The following CHSY3 variants were observed in gnomAD, a reference collection of about 807,000 sequenced individuals.
CHSY3 encodes the protein chondroitin sulfate synthase 3, also known as N-acetylgalactosaminyl-proteoglycan 3-beta-glucuronosyltransferase 3.
In CHSY3, 35 loss-of-function variants were observed where a neutral mutation model predicts 67.2. That is an observed-to-expected ratio of 0.52 (90% CI 0.40 to 0.69). The LOEUF (loss-of-function observed/expected upper bound fraction) is 0.69, where lower values mean the gene tolerates loss of function less well. Ranked by LOEUF, CHSY3 falls within the 30% of genes least tolerant of loss-of-function variation. The pLI is 0.00. For synonymous variants in CHSY3, 474 were observed against 434.7 expected (o/e 1.09, Z -1.12); for missense variants, 1,069 against 1,138.5 (o/e 0.94, Z 0.88).
In CHSY3 at chr5:129,991,710, A is replaced by G. The variant is rs80098346; in HGVS notation, c.1086+83350A>G. 1.8e-4 allele frequency among the ~76,000 whole-genome samples: 28 copies of G among 152,288 alleles called. No homozygotes were observed. The East Asian group carries it at 4.6e-3, about 25-fold the overall frequency. ...CTTAATAGCAGCATAGGCAATAGCT[A>G]TCACTGGATGAAGAGGAGTAGGAAA... On this transcript the variant is annotated intron_variant, in intron 2 of 2. Transcript: ENST00000305031.
chr5:129,911,838 C>G (rs1300378299), intron 2 of CHSY3, among the ~76,000 whole-genome samples: 1 of 152,142 alleles, frequency 6.6e-6, no homozygotes, highest in Admixed American at 6.5e-5. Flanking sequence ...GGGCGGATCA[C>G]TAGGTCAGGA....
At chr5:129,963,115 G>A (rs1224818534) in intron 2 of CHSY3, among the ~76,000 whole-genome samples, 1 of 151,788 alleles carries the variant, frequency 6.6e-6, no homozygotes, top group Non-Finnish European at 1.5e-5. Flanking sequence ...GTGGAATGGG[G>A]AGAGAGGGCC....
intron 2 of CHSY3, among the ~76,000 whole-genome samples, chr5:130,104,157 G>A (rs537506238): frequency 1.3e-3 from 197 of 151,690 alleles, no homozygotes; most frequent in Middle Eastern, 6.8e-3. Context: ...TCACCAGCCC[G>A]TAAAACTCAG....
At chr5:129,911,425 A>G (rs1277750309) in intron 2 of CHSY3, among the ~76,000 whole-genome samples, 1 of 152,164 alleles carries the variant, frequency 6.6e-6, no homozygotes, top group African/African-American at 2.4e-5. Context: ...GTGTAATTCA[A>G]CTGAAAGTGG....
chr5:129,975,201 A>G (rs1762769242), intron 2 of CHSY3, among the ~76,000 whole-genome samples: 1 of 152,170 alleles, frequency 6.6e-6, no homozygotes, highest in African/African-American at 2.4e-5. Flanking sequence ...CATTGTGCAC[A>G]TGTACCCTAA....
chr5:130,183,585 T>C (rs758779077), intron 2 of CHSY3, among the ~76,000 whole-genome samples: 13 of 152,248 alleles, frequency 8.5e-5, no homozygotes, highest in Non-Finnish European at 1.5e-4. Context: ...TGATCTGTTA[T>C]GGGGTTATGG....
At chr5:130,182,970 T>C (rs918304260) in intron 2 of CHSY3, among the ~76,000 whole-genome samples, 1 of 151,886 alleles carries the variant, frequency 6.6e-6, no homozygotes, top group Non-Finnish European at 1.5e-5. Flanking sequence ...GAAGAGGCTG[T>C]TTTTTTAAAT....
chr5:130,085,753 A>G (rs1490503690), intron 2 of CHSY3, among the ~76,000 whole-genome samples: 1 of 152,100 alleles, frequency 6.6e-6, no homozygotes, highest in African/African-American at 2.4e-5. Flanking sequence ...ATTTAGTGCT[A>G]TAAATTTCCC....
intron 2 of CHSY3, among the ~76,000 whole-genome samples, chr5:130,136,148 GA>G (rs1768653595): frequency 6.6e-6 from 1 of 152,194 alleles, no homozygotes. Context: ...ATAGGAGTCA[GA>G]GTGAGAAAGG....
chr5:129,984,150 C>T (rs1015760764), intron 2 of CHSY3, among the ~76,000 whole-genome samples: 1 of 151,986 alleles, frequency 6.6e-6, no homozygotes, highest in South Asian at 2.1e-4. Context: ...GCATAGTACC[C>T]AATAGGTAGT....
At chr5:130,164,697 A>G (rs1273853803) in intron 2 of CHSY3, among the ~76,000 whole-genome samples, 1 of 152,184 alleles carries the variant, frequency 6.6e-6, no homozygotes, top group Non-Finnish European at 1.5e-5. Context: ...GATGTCAGGC[A>G]CTGGAGATAG....
At chr5:130,102,687 C>G (rs1310547605) in intron 2 of CHSY3, among the ~76,000 whole-genome samples, 1 of 152,012 alleles carries the variant, frequency 6.6e-6, no homozygotes, top group Non-Finnish European at 1.5e-5. Flanking sequence ...TGTTGATAAC[C>G]ATAAATAATC....
chr5:130,179,869 C>G (rs1253900596), intron 2 of CHSY3, among the ~76,000 whole-genome samples: 1 of 152,070 alleles, frequency 6.6e-6, no homozygotes, highest in East Asian at 1.9e-4. Flanking sequence ...TGCTATAATT[C>G]TTGGCTTGCT....
At chr5:129,904,422 C>CG (rs1273722512), upstream of CHSY3, 1 of 138,454 alleles carries the variant, frequency 7.2e-6, no homozygotes, top group Non-Finnish European at 1.5e-5. Context: ...GGAGTGAGGG[C>CG]GGGGGCTCGG....
At chr5:130,175,378 C>T (rs893338243) in intron 2 of CHSY3, among the ~76,000 whole-genome samples, 1 of 152,148 alleles carries the variant, frequency 6.6e-6, no homozygotes, top group East Asian at 1.9e-4. Flanking sequence ...AATGGAAAAA[C>T]ATTCCATGCT....
chr5:130,029,504 T>C (rs529606342), intron 2 of CHSY3, among the ~76,000 whole-genome samples: 29 of 152,162 alleles, frequency 1.9e-4, no homozygotes, highest in African/African-American at 6.7e-4. Flanking sequence ...CACCACTGCC[T>C]CACAAGGAAA....
At chr5:130,157,286 C>T (rs1354265401) in intron 2 of CHSY3, among the ~76,000 whole-genome samples, 1 of 152,194 alleles carries the variant, frequency 6.6e-6, no homozygotes, top group Non-Finnish European at 1.5e-5. Flanking sequence ...CTCAGATACT[C>T]AGGCCATACC....
At chr5:130,065,090 G>C (rs1056079900) in intron 2 of CHSY3, among the ~76,000 whole-genome samples, 1 of 152,092 alleles carries the variant, frequency 6.6e-6, no homozygotes, top group Non-Finnish European at 1.5e-5. Flanking sequence ...CCTTTATTTT[G>C]CTACTACGGA....
intron 2 of CHSY3, among the ~76,000 whole-genome samples, chr5:129,964,373 C>A (rs1762414924): frequency 6.6e-6 from 1 of 151,812 alleles, no homozygotes; most frequent in African/African-American, 2.4e-5. Context: ...CTCTACCTAG[C>A]TTGGGAGGGA....
Sources: allele counts gnomAD v4.1 joint callset (sites outside exome capture counted in the v4.1 genomes callset), GRCh38; gene constraint gnomAD v4.1.1; transcripts MANE v1.5; gene names NCBI Gene and HGNC (gene_info 2026-07-23, HGNC 2026-07-21).